The following CFAP69 variants were observed in gnomAD, a reference collection of about 807,000 sequenced individuals.
CFAP69 encodes the protein cilia- and flagella-associated protein 69.
Under a neutral mutation model 123.0 loss-of-function variants are expected in CFAP69, and 92 were observed. The observed-to-expected ratio is 0.75, with a 90% CI of 0.63 to 0.89. The LOEUF is 0.89. Among genes scored for constraint, CFAP69 ranks in the 40% least tolerant of loss-of-function variants. The pLI is 0.00. For synonymous variants in CFAP69, 380 were observed against 364.3 expected, an observed-to-expected ratio of 1.04 and a Z score of -0.49; for missense variants, 1,067 against 1,096.9, an observed-to-expected ratio of 0.97 and a Z score of 0.39.
intron 13 of CFAP69, among the ~76,000 whole-genome samples, chr7:90,286,034 G>A (rs577871588): frequency 3.9e-4 from 60 of 152,222 alleles, no homozygotes; most frequent in Admixed American, 3.3e-3. Flanking sequence ...GGGCATGGTC[G>A]TGCACGCCTG....
the CFAP69 span, among the ~76,000 whole-genome samples, chr7:90,321,999 C>T: frequency 6.6e-6 from 1 of 152,144 alleles, no homozygotes; most frequent in African/African-American, 2.4e-5. Flanking sequence ...TCCCCTCAGG[C>T]AGGCCACCCT....
chr7:90,263,104 A>G (rs1177352309), intron 4 of CFAP69, among the ~76,000 whole-genome samples: 1 of 152,322 alleles, frequency 6.6e-6, no homozygotes, highest in African/African-American at 2.4e-5. Context: ...TGCCAAGTTT[A>G]TAAGAATTGC....
At chr7:90,304,370 G>T in intron 18 of CFAP69, 1 of 1,220,676 alleles carries the variant, frequency 8.2e-7, no homozygotes, top group African/African-American at 1.6e-5. Context: ...TAGTTTAGAT[G>T]ATTAAGCTTA....
intron 2 of CFAP69, 149 bp from the exon 3 acceptor site, chr7:90,257,949 C>A: frequency 7.0e-6 from 4 of 574,162 alleles, no homozygotes; most frequent in Admixed American, 3.5e-5. Flanking sequence ...TTCACTGTTT[C>A]AGAAAACATT....
intron 2 of CFAP69, among the ~76,000 whole-genome samples, chr7:90,257,741 T>C (rs1693259070): frequency 6.6e-6 from 1 of 152,178 alleles, no homozygotes; most frequent in African/African-American, 2.4e-5. Context: ...CCATTGTATA[T>C]ATAGACCATA....
chr7:90,300,256 A>G (rs1792594186), intron 17 of CFAP69, 197 bp downstream of exon 17: 1 of 1,038,512 alleles, frequency 9.6e-7, no homozygotes, highest in Non-Finnish European at 1.2e-6. Flanking sequence ...TCATATTTTT[A>G]GAGAATATTT....
chr7:90,288,409 A>C, intron 15 of CFAP69, 57 bp downstream of exon 15: 1 of 1,548,136 alleles, frequency 6.5e-7, no homozygotes, highest in Non-Finnish European at 8.8e-7. Context: ...ATCACTTTAC[A>C]ACAGTGAGGA....
chr7:90,276,819 T>A (rs1788680090), intron 9 of CFAP69, among the ~76,000 whole-genome samples: 2 of 152,092 alleles, frequency 1.3e-5, no homozygotes, highest in Non-Finnish European at 2.9e-5. Context: ...TAGAATAATA[T>A]AAAATATTTC....
intron 11 of CFAP69, 24 bp from the exon 12 acceptor site, chr7:90,279,653 A>G: frequency 6.8e-7 from 1 of 1,463,238 alleles, no homozygotes; most frequent in Non-Finnish European, 9.3e-7. Flanking sequence ...TTTCTAACAA[A>G]GTATCCTTTG....
chr7:90,292,227 C>G (rs1032201913), intron 15 of CFAP69, among the ~76,000 whole-genome samples: 2 of 152,090 alleles, frequency 1.3e-5, no homozygotes, highest in Admixed American at 1.3e-4. Context: ...TTTTTAAAGC[C>G]AAGCCCAGCC....
At position 90,277,095 on chromosome 7, in the gene CFAP69, T is replaced by A; in HGVS notation, c.1007T>A (p.Leu336Ter). Residue 336 changes from leucine (L) to a stop codon, truncating the protein, a stop_gained, in exon 10 of 23, where the codon TTG (leucine) becomes TAG (stop). Coordinates refer to ENST00000389297, the MANE Select transcript of CFAP69 (RefSeq NM_001039706.3). LOFTEE classifies it high-confidence loss of function. Reference protein sequence around the residue: ...PMIECGFTKDLILFATFNEVK... With the variant: ...PMIECGFTKD ...TAGGAATGTGGCTTTACCAAGGATT[T>A]GATACTGTTTGCCACCTTTAATGAA... The A allele has an allele frequency of 6.4e-7, 1 of 1,574,566 alleles. No individual in the cohort carries two copies. The highest frequency in any genetic ancestry group is 8.6e-7 in the Non-Finnish European group (1 of 1,159,662).
At chr7:90,282,256 G>A (rs576734171) in intron 12 of CFAP69, among the ~76,000 whole-genome samples, 33 of 152,104 alleles carry the variant, frequency 2.2e-4, no homozygotes, top group Middle Eastern at 3.4e-3. Context: ...GGCTGAGATG[G>A]GAGTATTGCT....
chr7:90,278,167 G>A (rs992645824), intron 11 of CFAP69, among the ~76,000 whole-genome samples: 1 of 152,088 alleles, frequency 6.6e-6, no homozygotes, highest in Non-Finnish European at 1.5e-5. Context: ...ATAGAAAGAT[G>A]GGGTAGTCTA....
Position 90,290,182 on chromosome 7 carries a change from A to G in CFAP69, c.1775+1830A>G, listed in dbSNP as rs113905213. Among the ~76,000 whole-genome samples the G allele has an allele frequency of 5.9e-3, 904 of 152,326 alleles. 15 individuals carry two copies. Among genetic ancestry groups the G allele is most frequent in the African/African-American group, 0.021 (853 of 41,582 alleles). On this transcript the variant is annotated intron_variant, in intron 15 of 22. Transcript: ENST00000389297. ...AGAGAAAGAGAGATTGAGATTTATCATAAGGAATTGGCTCACACAATTATA... is the reference window on the plus strand; with the variant it reads ...AGAGAAAGAGAGATTGAGATTTATCGTAAGGAATTGGCTCACACAATTATA...
At chr7:90,321,867 A>G in the CFAP69 span, among the ~76,000 whole-genome samples, 10 of 152,146 alleles carry the variant, frequency 6.6e-5, no homozygotes, top group Admixed American at 2.0e-4. Context: ...TTGTCCATCA[A>G]TCTCAGCCCC....
intron 19 of CFAP69, 62 bp downstream of exon 19, chr7:90,304,882 T>G: frequency 9.2e-7 from 1 of 1,092,636 alleles, no homozygotes; most frequent in Non-Finnish European, 1.3e-6. Flanking sequence ...AACTGGAAAA[T>G]AAAATATCTA....
At chr7:90,260,688 T>A (rs1798202028) in intron 3 of CFAP69, among the ~76,000 whole-genome samples, 1 of 152,232 alleles carries the variant, frequency 6.6e-6, no homozygotes, top group South Asian at 2.1e-4. Flanking sequence ...TGTTCCATCT[T>A]AGGGCTTGTG....
At position 90,262,051 on chromosome 7, in the gene CFAP69, G is replaced by A. The variant is rs1025312131; in HGVS notation, c.351G>A (p.Leu117=). 6.4e-7 allele frequency: 1 copy of A among 1,556,952 alleles called. No homozygotes were observed. Among genetic ancestry groups the A allele is most frequent in the Non-Finnish European group, 8.7e-7 (1 of 1,144,640 alleles). ...FIESAYDIIK[L]CGLPFLKKKV... is the part of the protein sequence containing the mutation. ...AATCTGCATATGATATCATAAAACTGTGTGGGTAAGTTATCTTTCTTTAAC... is the reference window on the plus strand; with the variant it reads ...AATCTGCATATGATATCATAAAACTATGTGGGTAAGTTATCTTTCTTTAAC... Residue 117 remains leucine (L), a synonymous_variant, in exon 4 of 23, where the codon CTG becomes CTA. Coordinates refer to ENST00000389297, the MANE Select transcript of CFAP69 (RefSeq NM_001039706.3).
At chr7:90,309,141 G>A in intron 21 of CFAP69, 122 bp from the exon 22 acceptor site, 1 of 489,490 alleles carries the variant, frequency 2.0e-6, no homozygotes, top group Non-Finnish European at 3.6e-6. Flanking sequence ...GCAGATTTCA[G>A]CGCTATCTAA....
Sources: gnomAD v4.1 joint callset for allele counts (sites outside exome capture counted in the v4.1 genomes callset) on GRCh38, gnomAD v4.1.1 for gene constraint, MANE v1.5 for transcripts, NCBI Gene and HGNC (gene_info 2026-07-23, HGNC 2026-07-21) for gene names.